Variants in GIPC3 observed in about 807,000 individuals in gnomAD.
The protein encoded by GIPC3 is PDZ domain-containing protein GIPC3.
In GIPC3, 16 loss-of-function variants were observed where a neutral mutation model predicts 27.3. The ratio of observed to expected loss-of-function variants is 0.59; its 90% CI spans 0.40 to 0.89. The LOEUF is 0.89. Ranked by LOEUF, GIPC3 falls within the 40% of genes least tolerant of loss-of-function variation. The pLI is 0.00. For synonymous variants in GIPC3, 194 were observed against 184.6 expected (o/e 1.05, Z -0.41); for missense variants, 440 against 442.1 (o/e 1.00, Z 0.04).
rs1247940586 is a variant in GIPC3, at chr19:3,586,869, G to A, written c.467G>A (p.Ser156Asn). 6.2e-7 allele frequency: 1 copy of A among 1,613,416 alleles called. No homozygotes were observed. Among genetic ancestry groups the A allele is most frequent in the Non-Finnish European group, 8.5e-7 (1 of 1,179,998 alleles). ...NRIEAVCVGD[S>N]IEAINDHSIV... The stretch of plus-strand genomic sequence containing the variant: ...ATCGAGGCAGTGTGCGTGGGTGACA[G>A]CATCGAAGCCATCAACGACCACTCC... Residue 156 changes from serine to asparagine, a missense_variant, in exon 3 of 6, where the codon AGC becomes AAC. Transcript: ENST00000644452.
Position 3,592,124 on chromosome 19 carries a change from C to A in GIPC3, c.*1934C>A. 1 of 1,232,040 alleles carries A rather than the reference C, an allele frequency of 8.1e-7. No individual in the cohort carries two copies. 76.3% of individuals were successfully genotyped at this position (1,232,040 alleles called of 1,614,324 possible). On this transcript the variant is annotated 3_prime_UTR_variant, in exon 6 of 6. Transcript: ENST00000644452. ...AATCTAGTCCTGGGACCCAGGCCAT[C>A]GCAGCAATAGAATTAAGCTCCACAG...
rs1031318304 is a variant in GIPC3, at chr19:3,592,681, G to C, written c.*2491G>C. On this transcript the variant is annotated 3_prime_UTR_variant, in exon 6 of 6. Coordinates refer to ENST00000644452, the MANE Select transcript of GIPC3 (RefSeq NM_133261.3). ...CAGCCCGACTCTGGAGCCCAACTTA[G>C]TTCCAGAACCCAGTCCAGCTCTGAG... 9 of 1,231,768 alleles carry C rather than the reference G, an allele frequency of 7.3e-6. No homozygotes were observed. The highest frequency in any genetic ancestry group is 9.1e-6 in the Non-Finnish European group (9 of 987,978). The allele number at this position is 1,231,768 out of a possible 1,614,324, so 76.3% of individuals were successfully genotyped here.
Position 3,589,465 on chromosome 19 carries a change from G to T in GIPC3, c.615G>T (p.Arg205=). The T allele has an allele frequency of 2.5e-6, 4 of 1,614,022 alleles. No homozygotes were observed. Among genetic ancestry groups the T allele is most frequent in the Non-Finnish European group, 1.7e-6 (2 of 1,179,960 alleles). Reference sequence around the variant, plus strand: ...CAGATATGATTGGCCAGAGAAGTCGGTCCAGCAAATGTCCAGTAGAGGCGA... The same window carrying T: ...CAGATATGATTGGCCAGAGAAGTCGTTCCAGCAAATGTCCAGTAGAGGCGA... ...RAFDMIGQRS[R]SSKCPVEAKV... Residue 205 remains arginine (R), a synonymous_variant, in exon 4 of 6, where the codon CGG becomes CGT. Coordinates refer to ENST00000644452, the MANE Select transcript of GIPC3 (RefSeq NM_133261.3).
intron 3 of GIPC3, among the ~76,000 whole-genome samples, chr19:3,589,026 CTT>C (rs2032430970): frequency 6.6e-6 from 1 of 151,972 alleles, no homozygotes. Context: ...AAGCCCTGCT[CTT>C]AAGCCCAGGC....
In GIPC3 at chr19:3,593,070, C is replaced by G. The variant is rs997196914; in HGVS notation, c.*2880C>G. On this transcript the variant is annotated 3_prime_UTR_variant, in exon 6 of 6. Coordinates refer to ENST00000644452, the MANE Select transcript of GIPC3 (RefSeq NM_133261.3). The stretch of plus-strand genomic sequence containing the variant: ...ACCCCAAGCCTCCTACCTGGCCCCA[C>G]AGTCACAGGTCTCCTCAACCCCCCA... 49 of 1,232,374 alleles carry G rather than the reference C, an allele frequency of 4.0e-5. No homozygotes were observed. Among genetic ancestry groups the G allele is most frequent in the Non-Finnish European group, 2.7e-5 (27 of 988,294 alleles). The allele number at this position is 1,232,374 out of a possible 1,614,324, so 76.3% of individuals were successfully genotyped here.
chr19:3,593,284 C>T lies in GIPC3; in HGVS notation c.*3094C>T, dbSNP rs1251935629. On this transcript the variant is annotated 3_prime_UTR_variant, in exon 6 of 6. Transcript: ENST00000644452. Reference sequence around the variant, plus strand: ...GGAGCCCGCCCTTACCGCGGGGGGCCGTAGCTTGGCTGTGACTTAGCCCTG... The same window carrying T: ...GGAGCCCGCCCTTACCGCGGGGGGCTGTAGCTTGGCTGTGACTTAGCCCTG... 63 of 1,232,254 alleles carry T rather than the reference C, an allele frequency of 5.1e-5. No homozygotes were observed. The highest frequency in any genetic ancestry group is 5.7e-5 in the Non-Finnish European group (56 of 988,174). The allele number at this position is 1,232,254 out of a possible 1,614,324, so 76.3% of individuals were successfully genotyped here.
chr19:3,588,055 AG>A lies in GIPC3; in HGVS notation c.592+1062del, dbSNP rs2032409681. 2.0e-5 allele frequency among the ~76,000 whole-genome samples: 3 copies of A among 151,314 alleles called. No individual in the cohort carries two copies. In the South Asian group the frequency reaches 6.3e-4, roughly 32 times the overall value. Reference sequence around the variant, plus strand: ...GTTTTGCTCTTGTTGCCCAGGCTGGAGTGCAATGGTGTGATCTCGGCTCACC... The same window carrying A: ...GTTTTGCTCTTGTTGCCCAGGCTGGATGCAATGGTGTGATCTCGGCTCACC... On this transcript the variant is annotated intron_variant, in intron 3 of 5. Transcript: ENST00000644452.
chr19:3,589,945 G>T (rs763530294), intron 5 of GIPC3, 33 bp downstream of exon 5: 2 of 1,613,570 alleles, frequency 1.2e-6, no homozygotes, highest in Admixed American at 3.3e-5. Flanking sequence ...GGGGCCCTGG[G>T]GGGAGGGAAG....
At chr19:3,587,042 G>T in intron 3 of GIPC3, 48 bp downstream of exon 3, 2 of 1,559,348 alleles carry the variant, frequency 1.3e-6, no homozygotes, top group East Asian at 2.3e-5. Context: ...GCGTTCTACG[G>T]ATGCCTGGGG....
chr19:3,589,371 T>C, intron 3 of GIPC3, 72 bp from the exon 4 acceptor site: 1 of 1,095,132 alleles, frequency 9.1e-7, no homozygotes, highest in Non-Finnish European at 1.4e-6. Flanking sequence ...GCTCGGCTGT[T>C]GGCCTCCCAG....
In GIPC3 at chr19:3,590,093, G is replaced by A. The variant is rs371599478; in HGVS notation, c.842G>A (p.Arg281His). 4.5e-5 allele frequency: 72 copies of A among 1,611,194 alleles called. No homozygotes were observed. The highest frequency in any genetic ancestry group is 2.7e-4 in the Admixed American group (16 of 59,404). ...KKTASAQEFA[R>H]CLDSVLGEFA... ...ACAGCGAGCGCCCAGGAGTTTGCAC[G>A]CTGTTTAGACTCCGTCTTGGGCGAG... The change falls in exon 6 of 6, where the codon CGC becomes CAC. Residue 281 changes from arginine to histidine, a missense_variant. By Grantham distance (29) the Arg-to-His change is conservative (BLOSUM62 0). Transcript: ENST00000644452.
Position 3,589,466 on chromosome 19 carries a change from T to C in GIPC3, c.616T>C (p.Ser206Pro). ...AFDMIGQRSR[S>P]SKCPVEAKVT... is the part of the protein sequence containing the mutation. The stretch of plus-strand genomic sequence containing the variant: ...AGATATGATTGGCCAGAGAAGTCGG[T>C]CCAGCAAATGTCCAGTAGAGGCGAA... The change falls in exon 4 of 6, where the codon TCC (serine) becomes CCC (proline). Residue 206 changes from serine (S) to proline (P), a missense_variant. By Grantham distance (74) the Ser-to-Pro change is moderately conservative (BLOSUM62 -1). Coordinates refer to ENST00000644452, the MANE Select transcript of GIPC3 (RefSeq NM_133261.3). The C allele has an allele frequency of 6.2e-7, 1 of 1,613,854 alleles. No individual in the cohort carries two copies. The highest frequency in any genetic ancestry group is 8.5e-7 in the Non-Finnish European group (1 of 1,179,944).
rs1198493286 is a variant in GIPC3, at chr19:3,590,237, C to G, written c.*47C>G. ...ACAGCCCCAGCCCGGAGCCCAGCCC[C>G]CTGCCCCGGCCCTGCTCCAGAACCC... is the stretch of plus-strand genomic sequence containing the variant. On this transcript the variant is annotated 3_prime_UTR_variant, in exon 6 of 6. Coordinates refer to ENST00000644452, the MANE Select transcript of GIPC3 (RefSeq NM_133261.3). 1 of 1,548,168 alleles carries G rather than the reference C, an allele frequency of 6.5e-7. No individual in the cohort carries two copies. The highest frequency in any genetic ancestry group is 2.0e-5 in the Admixed American group (1 of 51,102).
intron 3 of GIPC3, among the ~76,000 whole-genome samples, chr19:3,587,932 G>A (rs879707221): frequency 2.0e-5 from 3 of 151,412 alleles, no homozygotes; most frequent in Admixed American, 1.3e-4. Context: ...CTCGTGATCC[G>A]CCCACCTCGG....
rs1051882948 is a variant in GIPC3, at chr19:3,592,193, C to T, written c.*2003C>T. The T allele has an allele frequency of 3.3e-5, 41 of 1,232,020 alleles. No individual in the cohort carries two copies. Among genetic ancestry groups the T allele is most frequent in the Admixed American group, 8.4e-5 (2 of 23,700 alleles). The allele number at this position is 1,232,020 out of a possible 1,614,324, so 76.3% of individuals were successfully genotyped here. A position where few individuals can be genotyped will look rare whatever the true frequency, so the allele number is the denominator to read the frequency against. On this transcript the variant is annotated 3_prime_UTR_variant, in exon 6 of 6. Transcript: ENST00000644452. Reference sequence around the variant, plus strand: ...GCAGGTCCAGCTCCAGGACCCAGCGCTGCCCAGGAGCTCGACCAGCCTCTG... The same window carrying T: ...GCAGGTCCAGCTCCAGGACCCAGCGTTGCCCAGGAGCTCGACCAGCCTCTG...
Position 3,591,192 on chromosome 19 carries a change from A to T in GIPC3, c.*1002A>T. 8.1e-7 allele frequency: 1 copy of T among 1,232,990 alleles called. No individual in the cohort carries two copies. Among genetic ancestry groups the T allele is most frequent in the Non-Finnish European group, 1.0e-6 (1 of 988,716 alleles). The allele number at this position is 1,232,990 out of a possible 1,614,324, so 76.4% of individuals were successfully genotyped here. On this transcript the variant is annotated 3_prime_UTR_variant, in exon 6 of 6. Transcript: ENST00000644452. ...CAGCATTGAGACCAAGCCCTGTTCT[A>T]GAACTCAGGCCACCTCTGAGGCCAA...
Position 3,586,651 on chromosome 19 carries a change from G to A in GIPC3, c.382G>A (p.Asp128Asn). The A allele has an allele frequency of 6.7e-7, 1 of 1,481,716 alleles. No homozygotes were observed. Among genetic ancestry groups the A allele is most frequent in the East Asian group, 2.9e-5 (1 of 34,040 alleles). 91.8% of individuals were successfully genotyped at this position (1,481,716 alleles called of 1,614,324 possible). ...GGATGCTCTGGGGCTGACCATCACGGACAACGGGGCTGGCTACGCCTTCAT... is the reference window on the plus strand; with the variant it reads ...GGATGCTCTGGGGCTGACCATCACGAACAACGGGGCTGGCTACGCCTTCAT... ...TEDALGLTIT[D>N]NGAGYAFIKR... Residue 128 changes from aspartate to asparagine, a missense_variant, in exon 2 of 6, where the codon GAC becomes AAC. Coordinates refer to ENST00000644452, the MANE Select transcript of GIPC3 (RefSeq NM_133261.3).
rs189406681 is a variant in GIPC3 at position 3,587,762 on chromosome 19, C to G, written c.592+768C>G. On this transcript the variant is annotated intron_variant, in intron 3 of 5. Transcript: ENST00000644452. ...CTGCAGTGCAGTGGCTAGATTTCAG[C>G]TCACTGCAAGCTCCGCCTCCCGGGT... Among the ~76,000 whole-genome samples, 552 of 143,324 alleles carry G rather than the reference C, an allele frequency of 3.9e-3. 3 individuals are homozygous for G. Among genetic ancestry groups the G allele is most frequent in the African/African-American group, 0.014 (533 of 37,410 alleles). 94.0% of individuals were successfully genotyped at this position (143,324 alleles called of 152,430 possible).
In GIPC3 at chr19:3,591,965, A is replaced by G. The variant is rs1357977633; in HGVS notation, c.*1775A>G. 25 of 1,231,838 alleles carry G rather than the reference A, an allele frequency of 2.0e-5. No homozygotes were observed. The highest frequency in any genetic ancestry group is 2.5e-5 in the Non-Finnish European group (25 of 988,092). The allele number at this position is 1,231,838 out of a possible 1,614,324, so 76.3% of individuals were successfully genotyped here. A position where few individuals can be genotyped will look rare whatever the true frequency, so the allele number is the denominator to read the frequency against. On this transcript the variant is annotated 3_prime_UTR_variant, in exon 6 of 6. Coordinates refer to ENST00000644452, the MANE Select transcript of GIPC3 (RefSeq NM_133261.3). ...CAAGCTCCAGAGCTCAATCCAGCCC[A>G]AGCACCGCACCCAGCTCTGGAACTC...
Sources: allele counts gnomAD v4.1 joint callset (sites outside exome capture counted in the v4.1 genomes callset), GRCh38; gene constraint gnomAD v4.1.1; transcripts MANE v1.5; gene names NCBI Gene and HGNC (gene_info 2026-07-23, HGNC 2026-07-21).